The following KCTD8 variants were observed in gnomAD, a reference collection of about 807,000 sequenced individuals.
The protein encoded by KCTD8 is BTB/POZ domain-containing protein KCTD8.
Under a neutral mutation model 31.5 loss-of-function variants are expected in KCTD8, and 27 were observed. The observed-to-expected ratio is 0.86, with a 90% CI of 0.63 to 1.18. The LOEUF (loss-of-function observed/expected upper bound fraction) is 1.18, where lower values mean the gene tolerates loss of function less well. Among genes scored for constraint, KCTD8 ranks in the 50% most tolerant of loss-of-function variants. The pLI is 0.00. For missense variants in KCTD8, 658 were observed against 647.7 expected, an observed-to-expected ratio of 1.02 and a Z score of -0.17; for synonymous variants, 290 against 280.0, an observed-to-expected ratio of 1.04 and a Z score of -0.36.
chr4:44,199,400 C>T (rs1361282900), intron 1 of KCTD8, among the ~76,000 whole-genome samples: 5 of 151,986 alleles, frequency 3.3e-5, no homozygotes, highest in Admixed American at 2.6e-4. Context: ...ACCACATGTT[C>T]GGCCATATAG....
intron 1 of KCTD8, among the ~76,000 whole-genome samples, chr4:44,191,852 T>A (rs1012230984): frequency 6.6e-6 from 1 of 152,230 alleles, no homozygotes; most frequent in Non-Finnish European, 1.5e-5. Context: ...GTCCTTACCT[T>A]GTTTTCTCAA....
intron 1 of KCTD8, among the ~76,000 whole-genome samples, chr4:44,207,567 G>C (rs983306): frequency 0.12 from 18,271 of 152,192 alleles, 1,395 homozygotes; most frequent in East Asian, 0.25. Context: ...GAAAGTCCCT[G>C]CACATTCATC....
At position 44,331,406 on chromosome 4, in the gene KCTD8, T is replaced by C. The variant is rs545276789; in HGVS notation, c.961+116157A>G. 8.6e-5 allele frequency among the ~76,000 whole-genome samples: 13 copies of C among 151,918 alleles called. No individual in the cohort carries two copies. In the South Asian group the frequency reaches 1.7e-3, roughly 19 times the overall value. On this transcript the variant is annotated intron_variant, in intron 1 of 1. Transcript: ENST00000360029. ...TAACGACCCTATTACTGTAAAATTA[T>C]ATTATTTTGGAAAATATGTCTGCCC...
chr4:44,314,700 T>C (rs939123037), intron 1 of KCTD8, among the ~76,000 whole-genome samples: 6 of 152,098 alleles, frequency 3.9e-5, no homozygotes, highest in African/African-American at 2.4e-5. Flanking sequence ...TCATATCATA[T>C]ATTCTGCAAC....
chr4:44,378,069 C>A (rs555027477), intron 1 of KCTD8, among the ~76,000 whole-genome samples: 1 of 150,766 alleles, frequency 6.6e-6, no homozygotes, highest in Admixed American at 6.6e-5. Context: ...TGTAGAAAAA[C>A]CAGAACACAT....
At chr4:44,269,619 G>A (rs1195920298) in intron 1 of KCTD8, among the ~76,000 whole-genome samples, 1 of 152,090 alleles carries the variant, frequency 6.6e-6, no homozygotes, top group Non-Finnish European at 1.5e-5. Flanking sequence ...CAAAATGGGA[G>A]AAAATTTTCG....
chr4:44,359,481 T>C (rs1184781402), intron 1 of KCTD8, among the ~76,000 whole-genome samples: 1 of 152,184 alleles, frequency 6.6e-6, no homozygotes, highest in African/African-American at 2.4e-5. Flanking sequence ...GATATAAATA[T>C]ACCTTAGCGA....
chr4:44,221,931 C>T (rs967543331), intron 1 of KCTD8, among the ~76,000 whole-genome samples: 7 of 152,110 alleles, frequency 4.6e-5, no homozygotes, highest in African/African-American at 1.7e-4. Flanking sequence ...AGTTGACACT[C>T]AGTATTAACC....
intron 1 of KCTD8, among the ~76,000 whole-genome samples, chr4:44,329,057 T>G (rs1197246371): frequency 6.6e-6 from 1 of 151,842 alleles, no homozygotes; most frequent in Non-Finnish European, 1.5e-5. Flanking sequence ...TTAGGCACCA[T>G]AAGAAGAGGA....
In KCTD8 at chr4:44,318,145, A is replaced by AT. The variant is rs141090174; in HGVS notation, c.961+129417dup. ...ATCAATACTATGTAGTCTGCTTTCT[A>AT]TATTCCAATTATCACATAAACATTT... is the stretch of plus-strand genomic sequence containing the variant. On this transcript the variant is annotated intron_variant, in intron 1 of 1. Transcript: ENST00000360029. 4.4e-4 allele frequency among the ~76,000 whole-genome samples: 67 copies of AT among 152,318 alleles called. 1 individual carries two copies. The highest frequency in any genetic ancestry group is 6.5e-4 in the Admixed American group (10 of 15,308).
intron 1 of KCTD8, among the ~76,000 whole-genome samples, chr4:44,216,593 T>C (rs1306373084): frequency 6.6e-6 from 1 of 152,184 alleles, no homozygotes; most frequent in Non-Finnish European, 1.5e-5. Context: ...CACAGTTCAA[T>C]TGTGATTTTT....
intron 1 of KCTD8, among the ~76,000 whole-genome samples, chr4:44,309,837 CATAA>C (rs1717901428): frequency 6.6e-6 from 1 of 151,882 alleles, no homozygotes; most frequent in African/African-American, 2.4e-5. Context: ...CATTAAATTC[CATAA>C]ATAAGATTCT....
intron 1 of KCTD8, among the ~76,000 whole-genome samples, chr4:44,331,983 G>A (rs771036795): frequency 6.6e-6 from 1 of 151,484 alleles, no homozygotes; most frequent in Non-Finnish European, 1.5e-5. Context: ...TAAGGCACAA[G>A]TAATAAAAAA....
chr4:44,236,345 T>G (rs765543008), intron 1 of KCTD8, among the ~76,000 whole-genome samples: 3 of 152,286 alleles, frequency 2.0e-5, no homozygotes, highest in Middle Eastern at 3.4e-3. Flanking sequence ...GGTTCCAGGA[T>G]GGGTCCATGG....
intron 1 of KCTD8, among the ~76,000 whole-genome samples, chr4:44,200,343 A>T (rs1714101538): frequency 6.6e-6 from 1 of 151,822 alleles, no homozygotes; most frequent in South Asian, 2.1e-4. Flanking sequence ...AAAATCTGGC[A>T]GACACAATGA....
intron 1 of KCTD8, among the ~76,000 whole-genome samples, chr4:44,304,272 T>G (rs17599479): frequency 0.12 from 18,334 of 152,120 alleles, 1,326 homozygotes; most frequent in East Asian, 0.25. Context: ...ACAGAAGAAT[T>G]GACATGTCTG....
At chr4:44,303,408 G>A (rs1369759846) in intron 1 of KCTD8, among the ~76,000 whole-genome samples, 1 of 152,076 alleles carries the variant, frequency 6.6e-6, no homozygotes, top group Admixed American at 6.6e-5. Context: ...CCTGTTATTG[G>A]TCTATTCAGA....
At chr4:44,425,688 C>T (rs750074978) in intron 1 of KCTD8, among the ~76,000 whole-genome samples, 27 of 151,926 alleles carry the variant, frequency 1.8e-4, no homozygotes, top group Non-Finnish European at 3.7e-4. Context: ...TGGGTGAATA[C>T]TGGGGAGGCA....
intron 1 of KCTD8, among the ~76,000 whole-genome samples, chr4:44,184,155 G>A (rs538956141): frequency 5.3e-5 from 8 of 152,330 alleles, no homozygotes; most frequent in Admixed American, 3.3e-4. Flanking sequence ...TAGCTAAAGT[G>A]TGAATAGGGC....
Sources: gnomAD v4.1 joint callset for allele counts (sites outside exome capture counted in the v4.1 genomes callset) on GRCh38, gnomAD v4.1.1 for gene constraint, MANE v1.5 for transcripts, NCBI Gene and HGNC (gene_info 2026-07-23, HGNC 2026-07-21) for gene names.